The following PPP1R14C variants were observed in gnomAD, a reference collection of about 807,000 sequenced individuals.
The protein encoded by PPP1R14C is protein phosphatase 1 regulatory subunit 14C.
A neutral mutation model predicts 20.4 loss-of-function variants in PPP1R14C; 16 were observed. That is an observed-to-expected ratio of 0.78 (90% CI 0.53 to 1.19). The LOEUF (loss-of-function observed/expected upper bound fraction) is 1.19, where lower values mean the gene tolerates loss of function less well. Among genes scored for constraint, PPP1R14C ranks in the 50% most tolerant of loss-of-function variants. PPP1R14C has a pLI of 0.00. For synonymous variants in PPP1R14C, 91 were observed against 91.0 expected (o/e 1.00, Z 0.00); for missense variants, 211 against 220.1 (o/e 0.96, Z 0.26).
intron 1 of PPP1R14C, among the ~76,000 whole-genome samples, chr6:150,168,007 T>TCCCC (rs1305477489): frequency 1.1e-4 from 2 of 18,286 alleles, no homozygotes; most frequent in Non-Finnish European, 1.8e-4. Flanking sequence ...TCCCCCTTGC[T>TCCCC]TTCCTCCCAC....
chr6:150,179,801 TACTG>T (rs1777601583), intron 1 of PPP1R14C, among the ~76,000 whole-genome samples: 1 of 152,216 alleles, frequency 6.6e-6, no homozygotes, highest in Non-Finnish European at 1.5e-5. Flanking sequence ...TCTGCCACAT[TACTG>T]ACTGTGTGAT....
chr6:150,209,035 T>C (rs900267526), intron 1 of PPP1R14C, among the ~76,000 whole-genome samples: 5 of 152,148 alleles, frequency 3.3e-5, no homozygotes, highest in African/African-American at 1.2e-4. Context: ...CTATAAGAAA[T>C]TGTGGCTATT....
At chr6:150,232,448 C>T (rs1778306456) in intron 3 of PPP1R14C, among the ~76,000 whole-genome samples, 2 of 152,306 alleles carry the variant, frequency 1.3e-5, no homozygotes, top group South Asian at 4.1e-4. Flanking sequence ...TTAATGACAT[C>T]TTTGGCTTGT....
chr6:150,199,261 C>A (rs1233596970), intron 1 of PPP1R14C, among the ~76,000 whole-genome samples: 4 of 152,182 alleles, frequency 2.6e-5, no homozygotes, highest in African/African-American at 9.7e-5. Context: ...AGGCTTTCAG[C>A]TGAGGCACGG....
chr6:150,241,569 C>G (rs1234757448), intron 3 of PPP1R14C, among the ~76,000 whole-genome samples: 1 of 152,114 alleles, frequency 6.6e-6, no homozygotes, highest in Non-Finnish European at 1.5e-5. Flanking sequence ...TAGCATCTAA[C>G]TCTAACGCCA....
At chr6:150,246,346 T>C (rs539469605) in intron 3 of PPP1R14C, among the ~76,000 whole-genome samples, 3 of 152,228 alleles carry the variant, frequency 2.0e-5, no homozygotes, top group Admixed American at 2.0e-4. Flanking sequence ...AAACTTTTTG[T>C]AGTAGTCATA....
At chr6:150,197,820 T>TGC (rs1777825377) in intron 1 of PPP1R14C, among the ~76,000 whole-genome samples, 5 of 75,610 alleles carry the variant, frequency 6.6e-5, no homozygotes, top group East Asian at 3.3e-4. Context: ...CCCCTGCCCT[T>TGC]CACGGTGGAG....
At chr6:150,160,212 C>T (rs1777349073) in intron 1 of PPP1R14C, among the ~76,000 whole-genome samples, 1 of 150,696 alleles carries the variant, frequency 6.6e-6, no homozygotes, top group South Asian at 2.1e-4. Flanking sequence ...CCCTCCCTTT[C>T]CACACTATAT....
rs1051996986 is a variant in PPP1R14C, at chr6:150,201,768, A to G, written c.307-12976A>G. 1.3e-5 allele frequency among the ~76,000 whole-genome samples: 2 copies of G among 152,152 alleles called. No individual in the cohort carries two copies. Among genetic ancestry groups the G allele is most frequent in the Non-Finnish European group, 2.9e-5 (2 of 68,032 alleles). On this transcript the variant is annotated intron_variant, in intron 1 of 3. Coordinates refer to ENST00000361131, the MANE Select transcript of PPP1R14C (RefSeq NM_030949.3). The surrounding 1 kb of genome is among the most constrained non-coding windows in gnomAD (Gnocchi z 4.2). ...CTATAGCTTATGCAAAAGATGATTT[A>G]GCTTTCACTAGGGGGGCAGTGGAGG... is the stretch of plus-strand genomic sequence containing the variant.
rs1407476183 is a variant in PPP1R14C at position 150,250,161 on chromosome 6, C to T, written c.*1341C>T. The T allele has an allele frequency of 6.6e-6, 1 of 152,532 alleles. No homozygotes were observed. The highest frequency in any genetic ancestry group is 1.5e-5 in the Non-Finnish European group (1 of 68,050). The allele number at this position is 152,532 out of a possible 1,614,324, so 9.4% of individuals were successfully genotyped here. A position where few individuals can be genotyped will look rare whatever the true frequency, so the allele number is the denominator to read the frequency against. On this transcript the variant is annotated 3_prime_UTR_variant, in exon 4 of 4. Coordinates refer to ENST00000361131, the MANE Select transcript of PPP1R14C (RefSeq NM_030949.3). ...CAGAAACCCACCTACCATAAGATGT[C>T]TTCAGGTGGCCTTGTCCAAGGATGG...
rs56139981 is a variant in PPP1R14C, at chr6:150,234,848, CAAAAAAAAAA to C, written c.424-13879_424-13870del. ...TGGGCGACAAAGTGAGACTCTGTCT[CAAAAAAAAAA>C]AAAAAAAAAAAAAAAAAAGGAATCA... On this transcript the variant is annotated intron_variant, in intron 3 of 3. Transcript: ENST00000361131. 2.4e-4 allele frequency among the ~76,000 whole-genome samples: 10 copies of C among 41,828 alleles called. No individual in the cohort carries two copies. The East Asian group carries it at 5.5e-3, about 23-fold the overall frequency. The allele number at this position is 41,828 out of a possible 152,430, so 27.4% of individuals were successfully genotyped here.
intron 3 of PPP1R14C, among the ~76,000 whole-genome samples, chr6:150,231,363 C>A (rs1778293813): frequency 6.6e-6 from 1 of 152,188 alleles, no homozygotes; most frequent in Non-Finnish European, 1.5e-5. Flanking sequence ...AAGGCCCACC[C>A]TTCCCCTAAT....
At chr6:150,228,970 C>CA (rs777969726) in intron 3 of PPP1R14C, among the ~76,000 whole-genome samples, 4 of 152,102 alleles carry the variant, frequency 2.6e-5, no homozygotes, top group African/African-American at 7.2e-5. Flanking sequence ...CTTTAAAGGG[C>CA]AGTGGACCCG....
rs571572334 is a variant in PPP1R14C at position 150,249,640 on chromosome 6, G to A, written c.*820G>A. 25 of 398,246 alleles carry A rather than the reference G, an allele frequency of 6.3e-5. No individual in the cohort carries two copies. The South Asian group carries it at 3.3e-3, about 52-fold the overall frequency. 24.7% of individuals were successfully genotyped at this position (398,246 alleles called of 1,614,324 possible). ...GAGAAATATCCACACTATCTCAGTG[G>A]TATTTTGCATTGGAAAAAGGAAGCA... On this transcript the variant is annotated 3_prime_UTR_variant, in exon 4 of 4. Coordinates refer to ENST00000361131, the MANE Select transcript of PPP1R14C (RefSeq NM_030949.3).
chr6:150,183,942 A>G (rs1205840315), intron 1 of PPP1R14C, among the ~76,000 whole-genome samples: 1 of 152,254 alleles, frequency 6.6e-6, no homozygotes, highest in Non-Finnish European at 1.5e-5. Context: ...GCTATGGTGT[A>G]ACGCTTACTT....
At chr6:150,238,843 C>T (rs969925733) in intron 3 of PPP1R14C, among the ~76,000 whole-genome samples, 1 of 152,244 alleles carries the variant, frequency 6.6e-6, no homozygotes, top group African/African-American at 2.4e-5. Context: ...TTGTAATGAA[C>T]TAGAATATCA....
rs1410291272 is a variant in PPP1R14C at position 150,185,009 on chromosome 6, T to A, written c.307-29735T>A. Among the ~76,000 whole-genome samples the A allele has an allele frequency of 1.3e-5, 2 of 152,218 alleles. No individual in the cohort carries two copies. The highest frequency in any genetic ancestry group is 1.9e-4 in the East Asian group (1 of 5,196). On this transcript the variant is annotated intron_variant, in intron 1 of 3. Transcript: ENST00000361131. The surrounding 1 kb of genome is among the most constrained non-coding windows in gnomAD (Gnocchi z 4.1). ...CCATGGTTGGGCAGCCAGGACCTTC[T>A]CACCTAAACATACCATCTGTTGTTG...
chr6:150,155,423 A>G (rs966542065), intron 1 of PPP1R14C, among the ~76,000 whole-genome samples: 1 of 152,220 alleles, frequency 6.6e-6, no homozygotes, highest in Non-Finnish European at 1.5e-5. Flanking sequence ...ACTCAGTGAT[A>G]TAAGTAGCTA....
At chr6:150,221,322 C>T (rs1040454972) in intron 3 of PPP1R14C, among the ~76,000 whole-genome samples, 8 of 152,188 alleles carry the variant, frequency 5.3e-5, no homozygotes, top group African/African-American at 1.9e-4. Flanking sequence ...GGACTCAACC[C>T]GAGTTTCTGA....
Sources: allele counts gnomAD v4.1 joint callset (sites outside exome capture counted in the v4.1 genomes callset), GRCh38; gene constraint gnomAD v4.1.1; non-coding constraint Gnocchi (gnomAD v3.1); transcripts MANE v1.5; gene names NCBI Gene and HGNC (gene_info 2026-07-23, HGNC 2026-07-21).